RARS2: variants seen among roughly 807,000 people sequenced by gnomAD.
The protein encoded by RARS2 is arginyl-tRNA synthetase 2, mitochondrial.
RARS2 carries 67 observed loss-of-function variants against 88.5 expected under a neutral mutation model. The ratio of observed to expected loss-of-function variants is 0.76; its 90% CI spans 0.62 to 0.93. The LOEUF (loss-of-function observed/expected upper bound fraction) is 0.93. Ranked by LOEUF, RARS2 falls within the 40% of genes least tolerant of loss-of-function variation. RARS2 has a pLI of 0.00. For missense variants in RARS2, 664 were observed against 684.2 expected (o/e 0.97, Z 0.33); for synonymous variants, 239 against 230.3 (o/e 1.04, Z -0.34).
intron 10 of RARS2, among the ~76,000 whole-genome samples, chr6:87,528,396 G>A (rs1776452493): frequency 6.6e-6 from 1 of 152,134 alleles, no homozygotes. Context: ...ATATGATCCA[G>A]CAAACTCACA....
At chr6:87,574,652 C>G (rs1770824443) in intron 1 of RARS2, among the ~76,000 whole-genome samples, 1 of 152,154 alleles carries the variant, frequency 6.6e-6, no homozygotes, top group Non-Finnish European at 1.5e-5. Flanking sequence ...GATCAAAGAA[C>G]TCTGCCCAGG....
chr6:87,575,478 C>T (rs950610863), intron 1 of RARS2, among the ~76,000 whole-genome samples: 2 of 152,080 alleles, frequency 1.3e-5, no homozygotes, highest in African/African-American at 2.4e-5. Context: ...ATAGTGTCTA[C>T]CAGAATTGTC....
intron 6 of RARS2, among the ~76,000 whole-genome samples, 172 bp from the exon 7 acceptor site, chr6:87,545,871 G>C (rs1025328328): frequency 6.6e-6 from 1 of 151,990 alleles, no homozygotes; most frequent in Non-Finnish European, 1.5e-5. Context: ...TTATGGAAAG[G>C]GAGTAAGAAA....
rs1297236191 is a variant in RARS2, at chr6:87,567,926, C to T, written c.110+1591G>A. ...AGCTGGGATTACAGGCGCATGCCAC[C>T]ATGCCTGGCTAATTTTTTGTATTTC... On this transcript the variant is annotated intron_variant, in intron 2 of 19. Coordinates refer to ENST00000369536, the MANE Select transcript of RARS2 (RefSeq NM_020320.5). Among the ~76,000 whole-genome samples, 3 of 152,056 alleles carry T rather than the reference C, an allele frequency of 2.0e-5. No homozygotes were observed. In the East Asian group the frequency reaches 5.8e-4, roughly 29 times the overall value.
intron 8 of RARS2, among the ~76,000 whole-genome samples, chr6:87,539,580 T>C (rs1054209552): frequency 1.3e-5 from 2 of 152,212 alleles, no homozygotes; most frequent in Non-Finnish European, 2.9e-5. Context: ...TCCCCTGCCT[T>C]TGCCTCTTTT....
intron 4 of RARS2, among the ~76,000 whole-genome samples, chr6:87,557,473 C>T (rs1445464441): frequency 2.0e-5 from 3 of 152,188 alleles, no homozygotes; most frequent in Non-Finnish European, 2.9e-5. Context: ...GAATGGCAGA[C>T]TCCACAACAG....
At chr6:87,558,576 G>A (rs1158877813) in intron 4 of RARS2, among the ~76,000 whole-genome samples, 1 of 152,164 alleles carries the variant, frequency 6.6e-6, no homozygotes, top group African/African-American at 2.4e-5. Context: ...TATATACAAT[G>A]GTGGTCCCAT....
At chr6:87,577,255 G>C (rs1445340654) in intron 1 of RARS2, among the ~76,000 whole-genome samples, 2 of 152,206 alleles carry the variant, frequency 1.3e-5, no homozygotes, top group African/African-American at 2.4e-5. Flanking sequence ...GCAGCAGTAT[G>C]ATGATGGCTC....
At chr6:87,567,135 C>G (rs192566964) in intron 2 of RARS2, among the ~76,000 whole-genome samples, 1 of 152,234 alleles carries the variant, frequency 6.6e-6, no homozygotes, top group African/African-American at 2.4e-5. Context: ...GCCTGTAATC[C>G]CAGCTACTGG....
intron 5 of RARS2, among the ~76,000 whole-genome samples, chr6:87,553,390 A>G (rs758972103): frequency 2.0e-5 from 3 of 152,196 alleles, no homozygotes; most frequent in Non-Finnish European, 4.4e-5. Flanking sequence ...ACCAAAATGG[A>G]TGTTGTTTTA....
At position 87,514,986 on chromosome 6, in the gene RARS2, T is replaced by C. The variant is rs770643087; in HGVS notation, c.1621A>G (p.Ile541Val). ...LAAVAHKTLQ[I>V]KDSPPEVAGA... ...GCCACTTCAGGAGGACTATCTTTTA[T>C]TTGTAGTGTTTTGTGTGCCACAGCT... The change falls in exon 19 of 20, where the codon ATA (isoleucine) becomes GTA (valine). Residue 541 changes from isoleucine (I) to valine (V), a missense_variant. Ile to Val is a conservative substitution (Grantham distance 29, BLOSUM62 3). Coordinates refer to ENST00000369536, the MANE Select transcript of RARS2 (RefSeq NM_020320.5). 19 of 1,613,326 alleles carry C rather than the reference T, an allele frequency of 1.2e-5. No individual in the cohort carries two copies. In the African/African-American group the frequency reaches 2.4e-4, roughly 20 times the overall value.
At chr6:87,562,838 G>T in intron 3 of RARS2, 53 bp from the exon 4 acceptor site, 1 of 1,352,562 alleles carries the variant, frequency 7.4e-7, no homozygotes, top group Non-Finnish European at 1.1e-6. Context: ...GGCCTAATGA[G>T]ATAGGTAGTT....
chr6:87,573,397 G>A (rs1273744641), intron 1 of RARS2, among the ~76,000 whole-genome samples: 1 of 152,114 alleles, frequency 6.6e-6, no homozygotes, highest in Non-Finnish European at 1.5e-5. Flanking sequence ...CTCCAACACT[G>A]GGGATTACAA....
At chr6:87,524,143 T>G (rs1774905507) in intron 11 of RARS2, among the ~76,000 whole-genome samples, 1 of 152,170 alleles carries the variant, frequency 6.6e-6, no homozygotes, top group African/African-American at 2.4e-5. Flanking sequence ...TCCTATTAGC[T>G]TTGTCCCAGA....
chr6:87,565,020 T>C (rs1275654237), intron 2 of RARS2, among the ~76,000 whole-genome samples: 2 of 152,222 alleles, frequency 1.3e-5, no homozygotes, highest in African/African-American at 2.4e-5. Flanking sequence ...ATCATGCCAC[T>C]GCACTCCAGT....
intron 10 of RARS2, among the ~76,000 whole-genome samples, chr6:87,529,087 A>G (rs1776641961): frequency 6.6e-6 from 1 of 152,188 alleles, no homozygotes; most frequent in African/African-American, 2.4e-5. Context: ...CTCTGACTTC[A>G]TATTACTTTT....
chr6:87,556,972 T>C (rs1786149367), intron 4 of RARS2, among the ~76,000 whole-genome samples: 1 of 151,836 alleles, frequency 6.6e-6, no homozygotes, highest in Non-Finnish European at 1.5e-5. Flanking sequence ...TCTTGAGTCT[T>C]AAAAATGTGG....
At chr6:87,584,174 G>A (rs1380693813) in intron 1 of RARS2, among the ~76,000 whole-genome samples, 1 of 152,186 alleles carries the variant, frequency 6.6e-6, no homozygotes, top group Non-Finnish European at 1.5e-5. Context: ...AGCTTATATA[G>A]AGGTATTATC....
chr6:87,546,937 T>TAC (rs1285193997), intron 6 of RARS2, among the ~76,000 whole-genome samples: 1 of 152,210 alleles, frequency 6.6e-6, no homozygotes, highest in Non-Finnish European at 1.5e-5. Flanking sequence ...CCCCTTGTTA[T>TAC]ATCACAAATC....
Sources: allele counts gnomAD v4.1 joint callset (sites outside exome capture counted in the v4.1 genomes callset), GRCh38; gene constraint gnomAD v4.1.1; transcripts MANE v1.5; gene names NCBI Gene and HGNC (gene_info 2026-07-23, HGNC 2026-07-21).